Variants in CACNB2 observed in about 807,000 individuals in gnomAD.
CACNB2 encodes the protein voltage-dependent L-type calcium channel subunit beta-2.
CACNB2 carries 42 observed loss-of-function variants against 73.3 expected under a neutral mutation model. That is an observed-to-expected ratio of 0.57 (90% CI 0.45 to 0.74). The LOEUF (loss-of-function observed/expected upper bound fraction) is 0.74. Ranked by LOEUF, CACNB2 falls within the 30% of genes least tolerant of loss-of-function variation. The probability of loss-of-function intolerance (pLI) is 0.00; values close to 1 mark genes in which losing one functional copy is unlikely to be tolerated. For missense variants in CACNB2, 940 were observed against 853.0 expected (o/e 1.10, Z -1.27); for synonymous variants, 348 against 310.3 (o/e 1.12, Z -1.28).
chr10:18,524,679 A>G (rs2052282298), intron 9 of CACNB2, among the ~76,000 whole-genome samples: 1 of 144,052 alleles, frequency 6.9e-6, no homozygotes, highest in Non-Finnish European at 1.5e-5. Context: ...AAAAAAATTG[A>G]GCAAATAAAA....
intron 2 of CACNB2, among the ~76,000 whole-genome samples, chr10:18,370,934 C>T (rs1340164099): frequency 1.3e-5 from 2 of 152,084 alleles, no homozygotes; most frequent in Non-Finnish European, 2.9e-5. Context: ...ACATGGTGAA[C>T]ATTCTCTTAC....
chr10:18,307,506 A>G (rs1175841640), intron 2 of CACNB2, among the ~76,000 whole-genome samples: 1 of 152,210 alleles, frequency 6.6e-6, no homozygotes, highest in Non-Finnish European at 1.5e-5. Flanking sequence ...CATGGCATTT[A>G]TTATATGTAA....
intron 2 of CACNB2, among the ~76,000 whole-genome samples, chr10:18,397,441 G>A (rs890330522): frequency 2.4e-4 from 37 of 152,020 alleles, no homozygotes; most frequent in African/African-American, 8.7e-4. Flanking sequence ...CTCTAGCCTG[G>A]GCAACAGAGT....
chr10:18,405,609 A>G (rs925842157), intron 3 of CACNB2, among the ~76,000 whole-genome samples: 1 of 152,138 alleles, frequency 6.6e-6, no homozygotes, highest in African/African-American at 2.4e-5. Flanking sequence ...CTTCTGCCCT[A>G]TATACAGGGA....
rs770978550 is a variant in CACNB2, at chr10:18,140,851, G to A, written c.115G>A (p.Ala39Thr). Reference protein sequence around the residue: ...VAPAGALGAAAQSYGKGARRK... With the variant: ...VAPAGALGAATQSYGKGARRK... ...TCCCGCGGGGGCGCTCGGAGCCGCC[G>A]CACAGGTAGCGAGAGCGCGGCGCCT... The change falls in exon 1 of 14, where the codon GCA becomes ACA. Residue 39 changes from alanine to threonine, a missense_variant. By Grantham distance (58) the Ala-to-Thr change is moderately conservative (BLOSUM62 0). Transcript: ENST00000324631. The A allele has an allele frequency of 3.1e-6, 5 of 1,599,772 alleles. No homozygotes were observed. The South Asian group carries it at 4.5e-5, about 14-fold the overall frequency.
chr10:18,277,068 G>A lies in CACNB2; in HGVS notation c.214-124856G>A, dbSNP rs182880552. On this transcript the variant is annotated intron_variant, in intron 2 of 13. Coordinates refer to ENST00000324631, the MANE Select transcript of CACNB2 (RefSeq NM_201596.3). ...GGAGGTCGAGGCTGCAGTGAGCCGT[G>A]TTCGTGCCACTGCACTCCAGCCTGA... Among the ~76,000 whole-genome samples the A allele has an allele frequency of 5.9e-3, 893 of 152,308 alleles. 3 individuals are homozygous for A. The highest frequency in any genetic ancestry group is 0.017 in the Middle Eastern group (5 of 294).
intron 2 of CACNB2, among the ~76,000 whole-genome samples, chr10:18,219,983 T>C (rs1387364351): frequency 6.8e-6 from 1 of 147,132 alleles, no homozygotes; most frequent in East Asian, 2.0e-4. Flanking sequence ...GCCAGGCTGG[T>C]CACGAACTCC....
intron 2 of CACNB2, among the ~76,000 whole-genome samples, chr10:18,236,628 A>G (rs914738821): frequency 6.6e-6 from 1 of 152,216 alleles, no homozygotes; most frequent in South Asian, 2.1e-4. Flanking sequence ...GCTATTGCCA[A>G]ATAGACATAT....
chr10:18,257,796 T>G (rs533683493), intron 2 of CACNB2, among the ~76,000 whole-genome samples: 3 of 152,306 alleles, frequency 2.0e-5, no homozygotes, highest in African/African-American at 4.8e-5. Flanking sequence ...CAGGCTGGAG[T>G]GCAGTGGCAT....
chr10:18,340,716 T>A (rs1476502564), intron 2 of CACNB2: 2 of 1,444,714 alleles, frequency 1.4e-6, no homozygotes, highest in African/African-American at 1.4e-5. Context: ...TCTGCCTAAG[T>A]GGTTCTGGAA....
intron 2 of CACNB2, among the ~76,000 whole-genome samples, chr10:18,337,732 TA>T (rs1293350373): frequency 6.6e-6 from 1 of 152,182 alleles, no homozygotes; most frequent in East Asian, 1.9e-4. Flanking sequence ...TTTTCATATT[TA>T]TTTTTTTACA....
intron 2 of CACNB2, among the ~76,000 whole-genome samples, chr10:18,303,809 A>G (rs967790223): frequency 3.3e-5 from 5 of 152,210 alleles, no homozygotes; most frequent in African/African-American, 1.2e-4. Context: ...CAGTCCGTTC[A>G]GTGGGGGAGC....
chr10:18,212,345 C>A (rs1362577617), intron 2 of CACNB2, among the ~76,000 whole-genome samples: 2 of 129,782 alleles, frequency 1.5e-5, no homozygotes, highest in South Asian at 2.7e-4. Flanking sequence ...TGACTTGATA[C>A]CTTTTGCCAT....
chr10:18,513,109 T>TTTC (rs1405589610), intron 6 of CACNB2: 13 of 154,852 alleles, frequency 8.4e-5, no homozygotes, highest in Non-Finnish European at 1.3e-4. Context: ...ACCTTTTTTT[T>TTTC]TTTTTTTTTT....
chr10:18,492,268 T>C (rs1260649554), intron 3 of CACNB2, among the ~76,000 whole-genome samples: 1 of 152,072 alleles, frequency 6.6e-6, no homozygotes, highest in Non-Finnish European at 1.5e-5. Context: ...TCGACATGAG[T>C]CTGGCCAGGG....
intron 3 of CACNB2, among the ~76,000 whole-genome samples, chr10:18,470,913 A>G (rs1253058907): frequency 6.6e-6 from 1 of 152,178 alleles, no homozygotes; most frequent in Non-Finnish European, 1.5e-5. Context: ...GTATGAGCCA[A>G]GCATGCCAGT....
Position 18,286,335 on chromosome 10 carries a change from T to G in CACNB2, c.214-115589T>G, listed in dbSNP as rs188437120. Among the ~76,000 whole-genome samples, 719 of 151,760 alleles carry G rather than the reference T, an allele frequency of 4.7e-3. 17 individuals are homozygous for G. The South Asian group carries it at 0.056, about 12-fold the overall frequency. On this transcript the variant is annotated intron_variant, in intron 2 of 13. Transcript: ENST00000324631. ...ATCCAGACCATCCTGGCTAACACGG[T>G]GAAACCCCGTCTCTACTAAAAAAAT...
At chr10:18,526,170 A>G (rs931199673) in intron 9 of CACNB2, among the ~76,000 whole-genome samples, 1 of 152,214 alleles carries the variant, frequency 6.6e-6, no homozygotes, top group Non-Finnish European at 1.5e-5. Context: ...GAAACCTCCA[A>G]TATCATTATC....
intron 3 of CACNB2, among the ~76,000 whole-genome samples, chr10:18,472,757 C>A (rs1317480517): frequency 6.6e-6 from 1 of 152,192 alleles, no homozygotes; most frequent in Non-Finnish European, 1.5e-5. Flanking sequence ...AGAAAACAAG[C>A]AGCCTTTCAG....
Sources: allele counts gnomAD v4.1 joint callset (sites outside exome capture counted in the v4.1 genomes callset), GRCh38; gene constraint gnomAD v4.1.1; transcripts MANE v1.5; gene names NCBI Gene and HGNC (gene_info 2026-07-23, HGNC 2026-07-21).